CDK13: variants seen among roughly 807,000 people sequenced by gnomAD.
The protein encoded by CDK13 is cyclin-dependent kinase 13.
In CDK13, 40 loss-of-function variants were observed where a neutral mutation model predicts 137.6. The ratio of observed to expected loss-of-function variants is 0.29; its 90% CI spans 0.23 to 0.38. The LOEUF (loss-of-function observed/expected upper bound fraction) is 0.38. CDK13 is among the 10% of genes least tolerant of loss of function. The probability of loss-of-function intolerance (pLI) is 1.00; values close to 1 mark genes in which losing one functional copy is unlikely to be tolerated. For missense variants in CDK13, 1,704 were observed against 1,951.8 expected, an observed-to-expected ratio of 0.87 and a Z score of 2.39; for synonymous variants, 869 against 760.1, an observed-to-expected ratio of 1.14 and a Z score of -2.36.
At chr7:40,006,669 C>T (rs1387833382) in intron 5 of CDK13, among the ~76,000 whole-genome samples, 2 of 152,088 alleles carry the variant, frequency 1.3e-5, no homozygotes, top group Admixed American at 6.5e-5. Context: ...GTAATCCCAG[C>T]TACTATGGAG....
intron 2 of CDK13, among the ~76,000 whole-genome samples, chr7:39,993,694 T>C (rs1784507949): frequency 6.6e-6 from 1 of 152,122 alleles, no homozygotes; most frequent in Admixed American, 6.5e-5. Context: ...ATTACAGGAA[T>C]GGATGTATCG....
At chr7:40,074,895 G>A (rs1400417923) in intron 9 of CDK13, among the ~76,000 whole-genome samples, 1 of 151,112 alleles carries the variant, frequency 6.6e-6, no homozygotes, top group African/African-American at 2.4e-5. Flanking sequence ...ACTGAAAATA[G>A]ATAAATAAAT....
In CDK13 at chr7:39,951,730, TCGCCGCCGCTCCCCCAGCTACAGC is replaced by T. The variant is rs1787222795; in HGVS notation, c.1094_1117del (p.Arg365_Arg372del). 1 of 1,475,468 alleles carries T rather than the reference TCGCCGCCGCTCCCCCAGCTACAGC, an allele frequency of 6.8e-7. No individual in the cohort carries two copies. The highest frequency in any genetic ancestry group is 8.9e-7 in the Non-Finnish European group (1 of 1,124,046). 91.4% of individuals were successfully genotyped at this position (1,475,468 alleles called of 1,614,324 possible). A position where few individuals can be genotyped will look rare whatever the true frequency, so the allele number is the denominator to read the frequency against. ...TGCCGCGCTCCCCGAGCCCCTACAG[TCGCCGCCGCTCCCCCAGCTACAGC>T]CGCCACAGCTCCTACGAGCGGGGCG... On this transcript the variant is annotated inframe_deletion, in exon 1 of 14. Coordinates refer to ENST00000181839, the MANE Select transcript of CDK13 (RefSeq NM_003718.5).
chr7:39,980,657 T>G (rs892953739), intron 1 of CDK13, among the ~76,000 whole-genome samples: 7 of 152,214 alleles, frequency 4.6e-5, no homozygotes, highest in African/African-American at 1.7e-4. Flanking sequence ...ATAGAACATT[T>G]CTGTCATCCA....
At chr7:39,953,215 TA>T (rs1033691799) in intron 1 of CDK13, among the ~76,000 whole-genome samples, 1 of 152,210 alleles carries the variant, frequency 6.6e-6, no homozygotes, top group Non-Finnish European at 1.5e-5. Flanking sequence ...GCTTCACTCT[TA>T]AAGAGTGTTG....
intron 1 of CDK13, among the ~76,000 whole-genome samples, chr7:39,973,303 AT>A (rs1408632692): frequency 1.3e-5 from 2 of 151,774 alleles, no homozygotes; most frequent in Non-Finnish European, 2.9e-5. Context: ...CACCTGGCTA[AT>A]TTTTTCGTAT....
At chr7:40,029,483 AG>A (rs1173610676) in intron 5 of CDK13, among the ~76,000 whole-genome samples, 1 of 151,626 alleles carries the variant, frequency 6.6e-6, no homozygotes, top group Admixed American at 6.6e-5. Context: ...GCACTTTGGG[AG>A]GCTGAGGTGG....
intron 7 of CDK13, among the ~76,000 whole-genome samples, chr7:40,055,932 C>T (rs780342933): frequency 6.6e-6 from 1 of 152,128 alleles, no homozygotes; most frequent in Admixed American, 6.6e-5. Flanking sequence ...CATATTACAA[C>T]GTGCTTTAAT....
intron 9 of CDK13, among the ~76,000 whole-genome samples, chr7:40,064,644 A>G (rs772559813): frequency 2.0e-5 from 3 of 152,122 alleles, no homozygotes; most frequent in Non-Finnish European, 4.4e-5. Flanking sequence ...TAACTTGGCT[A>G]TAGTCAGAAG....
At chr7:40,047,182 C>G (rs1270368457) in intron 6 of CDK13, among the ~76,000 whole-genome samples, 2 of 152,076 alleles carry the variant, frequency 1.3e-5, no homozygotes, top group Non-Finnish European at 2.9e-5. Flanking sequence ...TTTAAAAAAG[C>G]AGTCACAGTT....
At chr7:40,007,591 A>G (rs1053990715) in intron 5 of CDK13, among the ~76,000 whole-genome samples, 3 of 151,850 alleles carry the variant, frequency 2.0e-5, no homozygotes, top group Non-Finnish European at 1.5e-5. Flanking sequence ...ACACCCAGCT[A>G]ATTTTTTTCT....
At chr7:40,083,741 A>G (rs1786721951) in intron 11 of CDK13, among the ~76,000 whole-genome samples, 1 of 152,238 alleles carries the variant, frequency 6.6e-6, no homozygotes, top group Admixed American at 6.5e-5. Context: ...AACACATTCA[A>G]GGAACATTCT....
chr7:40,072,327 A>G (rs1786440077), intron 9 of CDK13: 1 of 152,248 alleles, frequency 6.6e-6, no homozygotes, highest in Admixed American at 6.5e-5. Context: ...GGGTTTTGCC[A>G]TGTTGGCCAG....
At chr7:40,024,162 G>C (rs1479391292) in intron 5 of CDK13, among the ~76,000 whole-genome samples, 2 of 152,112 alleles carry the variant, frequency 1.3e-5, no homozygotes, top group African/African-American at 2.4e-5. Flanking sequence ...GTACTTTGAC[G>C]TGTGTGTGTT....
intron 1 of CDK13, among the ~76,000 whole-genome samples, chr7:39,958,958 G>C (rs1042772348): frequency 1.3e-5 from 2 of 151,666 alleles, no homozygotes; most frequent in Non-Finnish European, 2.9e-5. Flanking sequence ...TTTTTTTGTT[G>C]TTTTGTATTT....
At position 39,951,505 on chromosome 7, in the gene CDK13, G is replaced by T. The variant is rs370384011; in HGVS notation, c.864G>T (p.Glu288Asp). ...GCAGCCGGACTAAGTCGTCCAAGGA[G>T]CCGCCTTCGGCCTACAAGGAACCGC... Reference protein sequence around the residue: ...AHRSRTKSSKEPPSAYKEPPK... With the variant: ...AHRSRTKSSKDPPSAYKEPPK... Residue 288 changes from glutamate to aspartate, a missense_variant, in exon 1 of 14, where the codon GAG (glutamate) becomes GAT (aspartate). Coordinates refer to ENST00000181839, the MANE Select transcript of CDK13 (RefSeq NM_003718.5). The T allele has an allele frequency of 4.0e-5, 62 of 1,533,210 alleles. No homozygotes were observed. The highest frequency in any genetic ancestry group is 4.2e-5 in the African/African-American group (3 of 71,164). 95.0% of individuals were successfully genotyped at this position (1,533,210 alleles called of 1,614,324 possible).
intron 2 of CDK13, among the ~76,000 whole-genome samples, chr7:39,989,098 A>AGG (rs1428200371): frequency 6.9e-6 from 1 of 144,406 alleles, no homozygotes; most frequent in Non-Finnish European, 1.5e-5. Flanking sequence ...AAAAAAAAAA[A>AGG]AAAAAAAAAA....
chr7:40,041,803 A>G (rs769966044), intron 5 of CDK13, among the ~76,000 whole-genome samples: 2 of 152,250 alleles, frequency 1.3e-5, no homozygotes, highest in African/African-American at 2.4e-5. Context: ...ATGGAGTGGC[A>G]TAAGATATAC....
At chr7:40,043,786 C>T in intron 5 of CDK13, among the ~76,000 whole-genome samples, 1 of 150,984 alleles carries the variant, frequency 6.6e-6, no homozygotes, top group East Asian at 1.9e-4. Flanking sequence ...TGTGATGGTG[C>T]CACTGTACTC....
Sources: allele counts gnomAD v4.1 joint callset (sites outside exome capture counted in the v4.1 genomes callset), GRCh38; gene constraint gnomAD v4.1.1; transcripts MANE v1.5; gene names NCBI Gene and HGNC (gene_info 2026-07-23, HGNC 2026-07-21).